The following B3GALT1 variants were observed in gnomAD, a reference collection of about 807,000 sequenced individuals.
The protein encoded by B3GALT1 is beta-1,3-galactosyltransferase 1, also known as UDP-Gal:betaGlcNAc beta 1,3-galactosyltransferase, polypeptide 1.
In B3GALT1, 10 loss-of-function variants were observed where a neutral mutation model predicts 23.2. The observed-to-expected ratio is 0.43, with a 90% CI of 0.27 to 0.73. The LOEUF (loss-of-function observed/expected upper bound fraction) is 0.73, where lower values mean the gene tolerates loss of function less well. B3GALT1 is among the 30% of genes least tolerant of loss of function. B3GALT1 has a pLI of 0.21. For missense variants in B3GALT1, 299 were observed against 405.4 expected (o/e 0.74, Z 2.25); for synonymous variants, 156 against 141.5 (o/e 1.10, Z -0.73).
intron 3 of B3GALT1, among the ~76,000 whole-genome samples, chr2:167,743,511 C>A (rs1687606749): frequency 6.6e-6 from 1 of 151,928 alleles, no homozygotes; most frequent in African/African-American, 2.4e-5. Context: ...TATTTCTTTT[C>A]TTGTAAGATA....
At chr2:167,485,914 C>T (rs1699620349) in intron 1 of B3GALT1, among the ~76,000 whole-genome samples, 1 of 152,182 alleles carries the variant, frequency 6.6e-6, no homozygotes, top group Non-Finnish European at 1.5e-5. Context: ...GCATTAGATA[C>T]AAGCCCTGCA....
At chr2:167,373,944 A>G (rs1050253293) in intron 1 of B3GALT1, among the ~76,000 whole-genome samples, 5 of 152,262 alleles carry the variant, frequency 3.3e-5, no homozygotes, top group South Asian at 4.2e-4. Flanking sequence ...TAAGGTGCAA[A>G]TTATCCCGTC....
chr2:167,558,637 G>T (rs945767231), intron 2 of B3GALT1, among the ~76,000 whole-genome samples: 4 of 152,218 alleles, frequency 2.6e-5, no homozygotes, highest in Non-Finnish European at 5.9e-5. Flanking sequence ...CTTAGGAAAT[G>T]GCGCACCAGG....
intron 1 of B3GALT1, among the ~76,000 whole-genome samples, chr2:167,434,237 A>G (rs1698744796): frequency 6.6e-6 from 1 of 152,182 alleles, no homozygotes; most frequent in South Asian, 2.1e-4. Flanking sequence ...AGAAAACCAT[A>G]TATTCTTAGA....
chr2:167,524,022 G>A (rs945288112), intron 2 of B3GALT1, among the ~76,000 whole-genome samples: 2 of 151,962 alleles, frequency 1.3e-5, no homozygotes, highest in African/African-American at 4.8e-5. Context: ...TCTTGATATA[G>A]GATGTGGACA....
chr2:167,479,392 C>T (rs1201371899), intron 1 of B3GALT1, among the ~76,000 whole-genome samples: 1 of 152,088 alleles, frequency 6.6e-6, no homozygotes, highest in African/African-American at 2.4e-5. Flanking sequence ...CTAGGGACCC[C>T]ACAGAACAAT....
intron 1 of B3GALT1, among the ~76,000 whole-genome samples, chr2:167,455,838 TC>T (rs1307456412): frequency 2.0e-5 from 3 of 152,182 alleles, no homozygotes; most frequent in African/African-American, 4.8e-5. Flanking sequence ...TTTTAATGAA[TC>T]ACTCTAAATG....
intron 3 of B3GALT1, chr2:167,715,146 C>A: frequency 6.2e-7 from 1 of 1,613,886 alleles, no homozygotes; most frequent in Non-Finnish European, 8.5e-7. Flanking sequence ...TTGGGAGGAT[C>A]ATCTAAGTAA....
At chr2:167,574,339 A>G (rs1026333370) in intron 2 of B3GALT1, among the ~76,000 whole-genome samples, 2 of 151,732 alleles carry the variant, frequency 1.3e-5, no homozygotes, top group African/African-American at 4.8e-5. Context: ...CACTAAATCT[A>G]CATCCAATTC....
In B3GALT1 at chr2:167,392,252, G is replaced by A. The variant is rs142359122; in HGVS notation, c.-510-97925G>A. On this transcript the variant is annotated intron_variant, in intron 1 of 4. Coordinates refer to ENST00000392690, the MANE Select transcript of B3GALT1 (RefSeq NM_020981.4). ...TATCTAACTTGGGAAGTTTGCCCTC[G>A]ATGACAAAATCATTAGGAATATGGA... Among the ~76,000 whole-genome samples the A allele has an allele frequency of 4.3e-3, 660 of 151,902 alleles. 1 individual carries two copies. The highest frequency in any genetic ancestry group is 6.9e-3 in the Non-Finnish European group (468 of 67,974).
intron 1 of B3GALT1, among the ~76,000 whole-genome samples, chr2:167,396,035 C>A (rs1178084221): frequency 6.6e-6 from 1 of 152,078 alleles, no homozygotes; most frequent in Non-Finnish European, 1.5e-5. Flanking sequence ...AATAGACCTG[C>A]AGAGACTCTT....
At chr2:167,594,245 G>A (rs932811751) in intron 2 of B3GALT1, among the ~76,000 whole-genome samples, 3 of 152,148 alleles carry the variant, frequency 2.0e-5, no homozygotes, top group Admixed American at 6.5e-5. Flanking sequence ...GGTGGCATTA[G>A]ACAAATCAAG....
At chr2:167,543,433 A>C (rs911945843) in intron 2 of B3GALT1, among the ~76,000 whole-genome samples, 2 of 152,208 alleles carry the variant, frequency 1.3e-5, no homozygotes. Flanking sequence ...ATTATGCACC[A>C]CATATGAAGA....
At chr2:167,861,091 T>A (rs1333551739) in intron 4 of B3GALT1, among the ~76,000 whole-genome samples, 5 of 152,168 alleles carry the variant, frequency 3.3e-5, no homozygotes, top group Admixed American at 3.3e-4. Context: ...TGACTTAGGA[T>A]TTTTTGACAT....
intron 1 of B3GALT1, among the ~76,000 whole-genome samples, chr2:167,433,055 C>A (rs1289487180): frequency 6.6e-6 from 1 of 152,082 alleles, no homozygotes; most frequent in Non-Finnish European, 1.5e-5. Context: ...AGTTTCACTG[C>A]CCTCAAAATA....
intron 3 of B3GALT1, among the ~76,000 whole-genome samples, chr2:167,679,760 T>C (rs1443433466): frequency 6.6e-6 from 1 of 152,214 alleles, no homozygotes; most frequent in African/African-American, 2.4e-5. Context: ...ATTTTAATAG[T>C]CTCTACCTCA....
At chr2:167,693,768 T>G (rs1011006940) in intron 3 of B3GALT1, among the ~76,000 whole-genome samples, 1 of 152,102 alleles carries the variant, frequency 6.6e-6, no homozygotes, top group Admixed American at 6.6e-5. Flanking sequence ...TCCCTGTTCT[T>G]CTATAACACT....
At chr2:167,537,952 A>G (rs2105371917) in intron 2 of B3GALT1, among the ~76,000 whole-genome samples, 1 of 151,560 alleles carries the variant, frequency 6.6e-6, no homozygotes, top group Admixed American at 6.6e-5. Flanking sequence ...CCTCCTGAGT[A>G]GCTGAGATTA....
At chr2:167,554,851 ATAT>A (rs1277490189) in intron 2 of B3GALT1, among the ~76,000 whole-genome samples, 1 of 152,154 alleles carries the variant, frequency 6.6e-6, no homozygotes, top group East Asian at 1.9e-4. Context: ...GTGTCCTTTC[ATAT>A]TATTTATTTA....
Sources: gnomAD v4.1 joint callset for allele counts (sites outside exome capture counted in the v4.1 genomes callset) on GRCh38, gnomAD v4.1.1 for gene constraint, MANE v1.5 for transcripts, NCBI Gene and HGNC (gene_info 2026-07-23, HGNC 2026-07-21) for gene names.